Variants in SPATS2 observed in about 807,000 individuals in gnomAD.
The protein encoded by SPATS2 is spermatogenesis associated serine rich 2, also known as spermatogenesis-associated serine-rich protein 2.
In SPATS2, 38 loss-of-function variants were observed where a neutral mutation model predicts 63.7. That is an observed-to-expected ratio of 0.60 (90% CI 0.46 to 0.78). The LOEUF is 0.78. Ranked by LOEUF, SPATS2 falls within the 30% of genes least tolerant of loss-of-function variation. The pLI, the probability that SPATS2 is intolerant of heterozygous loss-of-function variation, is 0.00. For synonymous variants in SPATS2, 207 were observed against 232.9 expected, an observed-to-expected ratio of 0.89 and a Z score of 1.01; for missense variants, 588 against 666.2, an observed-to-expected ratio of 0.88 and a Z score of 1.29.
At chr12:49,383,930 T>C (rs1201431023) in intron 2 of SPATS2, among the ~76,000 whole-genome samples, 1 of 152,228 alleles carries the variant, frequency 6.6e-6, no homozygotes, top group Non-Finnish European at 1.5e-5. Flanking sequence ...TAAATTGCTT[T>C]ACTTTTTAAA....
At chr12:49,394,838 G>C (rs542422533) in intron 2 of SPATS2, among the ~76,000 whole-genome samples, 3 of 152,044 alleles carry the variant, frequency 2.0e-5, no homozygotes, top group African/African-American at 7.2e-5. Flanking sequence ...TTGGGAGGCC[G>C]AGGCAGGTGG....
chr12:49,367,222 C>G (rs977604221), upstream of SPATS2: 1 of 226,600 alleles, frequency 4.4e-6, no homozygotes, highest in Non-Finnish European at 8.6e-6. Flanking sequence ...GCCACAGCCT[C>G]GAGCTTGGCG....
At chr12:49,376,050 A>C (rs979999849) in intron 2 of SPATS2, among the ~76,000 whole-genome samples, 3 of 149,700 alleles carry the variant, frequency 2.0e-5, no homozygotes, top group Non-Finnish European at 3.0e-5. Flanking sequence ...TTGGCCTCCC[A>C]AAATGCTTGG....
chr12:49,375,799 GC>G (rs151249900), intron 2 of SPATS2, among the ~76,000 whole-genome samples: 1 of 152,182 alleles, frequency 6.6e-6, no homozygotes, highest in Non-Finnish European at 1.5e-5. Flanking sequence ...GATGAAGCCA[GC>G]CATGTAGCTT....
rs773377635 is a variant in SPATS2, at chr12:49,380,881, CTTTT to C, written c.-244+9603_-244+9606del. ...GGAATTGCTGGGTCATATAGTAATTCTTTTTTTTTTTTTTTCCTCAAAAGCTGGT... is the reference window on the plus strand; with the variant it reads ...GGAATTGCTGGGTCATATAGTAATTCTTTTTTTTTTTCCTCAAAAGCTGGT... On this transcript the variant is annotated intron_variant, in intron 2 of 13. Transcript: ENST00000552918. 7.3e-5 allele frequency among the ~76,000 whole-genome samples: 10 copies of C among 136,196 alleles called. No individual in the cohort carries two copies. In the East Asian group the frequency reaches 2.1e-3, roughly 29 times the overall value. 89.3% of individuals were successfully genotyped at this position (136,196 alleles called of 152,430 possible). A position where few individuals can be genotyped will look rare whatever the true frequency, so the allele number is the denominator to read the frequency against.
At chr12:49,469,204 C>T (rs1025690926) in intron 3 of SPATS2, among the ~76,000 whole-genome samples, 1 of 151,742 alleles carries the variant, frequency 6.6e-6, no homozygotes, top group Non-Finnish European at 1.5e-5. Flanking sequence ...TCGAGACCAG[C>T]CTGGCCAACA....
chr12:49,458,693 A>T (rs934831086), intron 2 of SPATS2, among the ~76,000 whole-genome samples: 8 of 151,048 alleles, frequency 5.3e-5, no homozygotes, highest in Non-Finnish European at 7.4e-5. Context: ...GGCGGAAGAA[A>T]TGTTGAACCT....
At chr12:49,473,607 A>G (rs1342196606) in intron 3 of SPATS2, among the ~76,000 whole-genome samples, 1 of 152,248 alleles carries the variant, frequency 6.6e-6, no homozygotes, top group African/African-American at 2.4e-5. Context: ...AAGAATATTG[A>G]AAACAGCATT....
At chr12:49,390,172 T>G in intron 2 of SPATS2, 1 of 1,493,106 alleles carries the variant, frequency 6.7e-7, no homozygotes, top group South Asian at 1.2e-5. Context: ...CTGAAGAGCT[T>G]CTGAGTCTGT....
At chr12:49,523,951 C>CA (rs1038093822) in intron 12 of SPATS2, among the ~76,000 whole-genome samples, 232 of 129,910 alleles carry the variant, frequency 1.8e-3, no homozygotes, top group East Asian at 0.01. Context: ...GACTCCGGAT[C>CA]AAAAAAAAAA....
chr12:49,490,713 A>G lies in SPATS2; in HGVS notation c.246A>G (p.Thr82=), dbSNP rs1946367511. 6.2e-7 allele frequency: 1 copy of G among 1,614,094 alleles called. No homozygotes were observed. Among genetic ancestry groups the G allele is most frequent in the Non-Finnish European group, 8.5e-7 (1 of 1,179,982 alleles). Residue 82 remains threonine, a synonymous_variant, in exon 6 of 14, where the codon ACA becomes ACG. Transcript: ENST00000552918. ...CCAGTGAAGTACTCAAAGAATGGAC[A>G]GTAACAGGCAAGAAAAAGGTAAAAT... ...GSASEVLKEW[T]VTGKKKNKKK...
intron 3 of SPATS2, among the ~76,000 whole-genome samples, chr12:49,475,176 A>G (rs936703108): frequency 2.6e-5 from 4 of 152,226 alleles, no homozygotes; most frequent in East Asian, 1.9e-4. Flanking sequence ...ACATAAGATG[A>G]GTCTGACAAT....
At chr12:49,373,770 C>G (rs1238928877) in intron 2 of SPATS2, among the ~76,000 whole-genome samples, 1 of 152,038 alleles carries the variant, frequency 6.6e-6, no homozygotes, top group Non-Finnish European at 1.5e-5. Flanking sequence ...AATAAAAATA[C>G]AAAAATTGGC....
intron 2 of SPATS2, among the ~76,000 whole-genome samples, chr12:49,423,000 C>T (rs1945009421): frequency 6.6e-6 from 1 of 152,052 alleles, no homozygotes; most frequent in Non-Finnish European, 1.5e-5. Flanking sequence ...TTGCTCCTCC[C>T]TTATTTTCTA....
intron 2 of SPATS2, among the ~76,000 whole-genome samples, chr12:49,417,823 G>C (rs536581961): frequency 6.6e-6 from 1 of 152,102 alleles, no homozygotes; most frequent in Non-Finnish European, 1.5e-5. Flanking sequence ...TATTTTTCTT[G>C]GTATCCAGAT....
chr12:49,496,332 TAA>T (rs1946463136), intron 7 of SPATS2, among the ~76,000 whole-genome samples: 1 of 152,224 alleles, frequency 6.6e-6, no homozygotes, highest in Non-Finnish European at 1.5e-5. Context: ...AAGCTGGTCT[TAA>T]ACTCCTGTGC....
At chr12:49,489,022 A>G (rs1231895805) in intron 4 of SPATS2, among the ~76,000 whole-genome samples, 1 of 152,148 alleles carries the variant, frequency 6.6e-6, no homozygotes, top group Non-Finnish European at 1.5e-5. Flanking sequence ...TGTTTGTATA[A>G]ATTATCTTTA....
intron 2 of SPATS2, among the ~76,000 whole-genome samples, chr12:49,387,416 C>T (rs755906821): frequency 6.6e-6 from 1 of 151,594 alleles, no homozygotes. Flanking sequence ...GTGGGTGGAT[C>T]GCCTGGGGTT....
At chr12:49,457,765 C>T (rs990736193) in intron 2 of SPATS2, among the ~76,000 whole-genome samples, 16 of 152,088 alleles carry the variant, frequency 1.1e-4, no homozygotes, top group African/African-American at 3.4e-4. Flanking sequence ...AGGACATGTG[C>T]TGTTGAGAAG....
Sources: allele counts gnomAD v4.1 joint callset (sites outside exome capture counted in the v4.1 genomes callset), GRCh38; gene constraint gnomAD v4.1.1; transcripts MANE v1.5; gene names NCBI Gene and HGNC (gene_info 2026-07-23, HGNC 2026-07-21).